Variants in GRAMD1C observed in about 807,000 individuals in gnomAD.
GRAMD1C encodes the protein GRAM domain containing 1C, also known as protein Aster-C.
A neutral mutation model predicts 97.8 loss-of-function variants in GRAMD1C; 89 were observed. The ratio of observed to expected loss-of-function variants is 0.91; its 90% CI spans 0.77 to 1.09. GRAMD1C has a LOEUF of 1.09. Among genes scored for constraint, GRAMD1C ranks in the 50% least tolerant of loss-of-function variants. GRAMD1C has a pLI of 0.00. For missense variants in GRAMD1C, 740 were observed against 766.4 expected (o/e 0.97, Z 0.41); for synonymous variants, 256 against 267.0 (o/e 0.96, Z 0.40).
intron 6 of GRAMD1C, among the ~76,000 whole-genome samples, chr3:113,896,715 C>T (rs1461231061): frequency 6.6e-6 from 1 of 152,192 alleles, no homozygotes; most frequent in East Asian, 1.9e-4. Context: ...TACTCTATCT[C>T]ATTCTGCCAT....
chr3:113,920,189 C>G, intron 10 of GRAMD1C: 1 of 1,347,090 alleles, frequency 7.4e-7, no homozygotes, highest in African/African-American at 1.5e-5. Context: ...TGCTCAACAG[C>G]CTGAAATGTG....
chr3:113,923,601 C>T (rs1176893032), intron 10 of GRAMD1C, among the ~76,000 whole-genome samples: 2 of 152,160 alleles, frequency 1.3e-5, no homozygotes, highest in Non-Finnish European at 2.9e-5. Context: ...ACCAACCTTG[C>T]ATTCCAGGGA....
chr3:113,859,328 G>C (rs1040616286), intron 2 of GRAMD1C, among the ~76,000 whole-genome samples: 4 of 151,996 alleles, frequency 2.6e-5, no homozygotes, highest in African/African-American at 7.3e-5. Flanking sequence ...CTTTCCCTTT[G>C]ACCCTTGACT....
At chr3:113,870,213 AT>A (rs1934740955) in intron 3 of GRAMD1C, among the ~76,000 whole-genome samples, 1 of 151,730 alleles carries the variant, frequency 6.6e-6, no homozygotes, top group Non-Finnish European at 1.5e-5. Context: ...AAAAAAAAAA[AT>A]TAGCCAGGTG....
chr3:113,847,160 G>C (rs1414295589), intron 2 of GRAMD1C, among the ~76,000 whole-genome samples: 1 of 152,078 alleles, frequency 6.6e-6, no homozygotes, highest in Non-Finnish European at 1.5e-5. Flanking sequence ...AGAAATGATA[G>C]CAGAAACTCA....
chr3:113,885,259 G>T lies in GRAMD1C; in HGVS notation c.540+2427G>T, dbSNP rs542804949. 32 of 1,258,476 alleles carry T rather than the reference G, an allele frequency of 2.5e-5. 1 individual carries two copies. In the South Asian group the frequency reaches 2.9e-4, roughly 11 times the overall value. The allele number at this position is 1,258,476 out of a possible 1,614,324, so 78.0% of individuals were successfully genotyped here. On this transcript the variant is annotated intron_variant, in intron 6 of 17. Transcript: ENST00000358160. The stretch of plus-strand genomic sequence containing the variant: ...CCCGGGGGGCTGGCGGAGCTGGGCC[G>T]TGGGGGCCTCCGGGGCCGGCGGTGC...
chr3:113,870,698 AAC>A (rs1191995697), intron 3 of GRAMD1C, among the ~76,000 whole-genome samples: 2 of 152,170 alleles, frequency 1.3e-5, no homozygotes, highest in Non-Finnish European at 2.9e-5. Flanking sequence ...TTACTCCATA[AAC>A]ACAACCATTC....
At chr3:113,935,542 G>A (rs900543763) in intron 13 of GRAMD1C, among the ~76,000 whole-genome samples, 1 of 151,576 alleles carries the variant, frequency 6.6e-6, no homozygotes, top group Non-Finnish European at 1.5e-5. Flanking sequence ...ATATACGTGT[G>A]TGTATATATA....
At chr3:113,863,188 TAATC>T (rs1374434572) in intron 2 of GRAMD1C, among the ~76,000 whole-genome samples, 3 of 152,216 alleles carry the variant, frequency 2.0e-5, no homozygotes, top group African/African-American at 7.2e-5. Context: ...ACTTGAACAT[TAATC>T]AATTGATGAA....
chr3:113,925,808 C>T (rs1228450645), intron 10 of GRAMD1C, among the ~76,000 whole-genome samples: 1 of 152,174 alleles, frequency 6.6e-6, no homozygotes, highest in African/African-American at 2.4e-5. Context: ...TGAAAATGAT[C>T]TCATTTCTCC....
At position 113,909,097 on chromosome 3, in the gene GRAMD1C, G is replaced by A; in HGVS notation, c.929G>A (p.Ser310Asn). The change falls in exon 9 of 18, where the codon AGC becomes AAC. Residue 310 changes from serine to asparagine, a missense_variant. By Grantham distance (46) the Ser-to-Asn change is conservative. Transcript: ENST00000358160. ...GAATATCTTTCTCTGGACAAAAGCA[G>A]CACTTCAGATTCTGTTGATGAAGGT... The part of the protein sequence containing the change: ...KNEYLSLDKS[S>N]TSDSVDEENV... 2.6e-6 allele frequency: 4 copies of A among 1,533,444 alleles called. No homozygotes were observed. Among genetic ancestry groups the A allele is most frequent in the Non-Finnish European group, 3.5e-6 (4 of 1,139,310 alleles). The allele number at this position is 1,533,444 out of a possible 1,614,324, so 95.0% of individuals were successfully genotyped here. A position where few individuals can be genotyped will look rare whatever the true frequency, so the allele number is the denominator to read the frequency against.
At chr3:113,922,535 C>T (rs1490661165) in intron 10 of GRAMD1C, among the ~76,000 whole-genome samples, 4 of 152,150 alleles carry the variant, frequency 2.6e-5, no homozygotes, top group African/African-American at 7.2e-5. Context: ...AATAGGGAGT[C>T]TTTTTCCCAT....
chr3:113,874,449 A>G (rs772453932), intron 3 of GRAMD1C, among the ~76,000 whole-genome samples: 3 of 152,006 alleles, frequency 2.0e-5, no homozygotes, highest in Non-Finnish European at 4.4e-5. Flanking sequence ...TCCAGGTTCA[A>G]GAGATTCTCC....
rs117250840 is a variant in GRAMD1C, at chr3:113,920,830, C to A, written c.1090+4992C>A. On this transcript the variant is annotated intron_variant, in intron 10 of 17. Coordinates refer to ENST00000358160, the MANE Select transcript of GRAMD1C (RefSeq NM_017577.5). ...GGTGCTGGGATTACAGCATGAGCCA[C>A]CACACCTGGCCAAAATTCGGGGGTC... 1.3e-3 allele frequency among the ~76,000 whole-genome samples: 204 copies of A among 152,222 alleles called. 3 individuals are homozygous for A. In the East Asian group the frequency reaches 0.033, roughly 25 times the overall value.
Position 113,875,591 on chromosome 3 carries a change from A to C in GRAMD1C, c.363+4A>C. 1 of 1,200,586 alleles carries C rather than the reference A, an allele frequency of 8.3e-7. No homozygotes were observed. Among genetic ancestry groups the C allele is most frequent in the Non-Finnish European group, 1.2e-6 (1 of 801,034 alleles). The allele number at this position is 1,200,586 out of a possible 1,614,324, so 74.4% of individuals were successfully genotyped here. A position where few individuals can be genotyped will look rare whatever the true frequency, so the allele number is the denominator to read the frequency against. On this transcript the variant is annotated splice_donor_region_variant and intron_variant, in intron 4 of 17. Transcript: ENST00000358160. ...CATCTTCAGATGGGAAACTACAGTA[A>C]GACATTTTGCATTTGATTTGTTGAT...
At chr3:113,850,162 T>C (rs1476994162) in intron 2 of GRAMD1C, 1 of 420,920 alleles carries the variant, frequency 2.4e-6, no homozygotes, top group Non-Finnish European at 4.6e-6. Flanking sequence ...TTTAAAAATA[T>C]TTGTCAATTG....
chr3:113,887,434 C>T (rs550611971), intron 6 of GRAMD1C, among the ~76,000 whole-genome samples: 32 of 151,434 alleles, frequency 2.1e-4, no homozygotes, highest in African/African-American at 6.3e-4. Context: ...GGCACTGTGG[C>T]TTACGCCTGT....
intron 6 of GRAMD1C, chr3:113,891,027 A>G: frequency 2.7e-6 from 1 of 375,194 alleles, no homozygotes; most frequent in Non-Finnish European, 4.8e-6. Flanking sequence ...ACACGGAGGT[A>G]TCACCATTTT....
At chr3:113,874,535 G>A (rs562807923) in intron 3 of GRAMD1C, among the ~76,000 whole-genome samples, 2 of 152,190 alleles carry the variant, frequency 1.3e-5, no homozygotes, top group East Asian at 3.9e-4. Flanking sequence ...AGTAGAAACA[G>A]GGTTTCCCCA....
Sources: gnomAD v4.1 joint callset for allele counts (sites outside exome capture counted in the v4.1 genomes callset) on GRCh38, gnomAD v4.1.1 for gene constraint, MANE v1.5 for transcripts, NCBI Gene and HGNC (gene_info 2026-07-23, HGNC 2026-07-21) for gene names.